ADCY3: variants seen among roughly 807,000 people sequenced by gnomAD.
ADCY3 encodes adenylate cyclase 3.
In ADCY3, 70 loss-of-function variants were observed where a neutral mutation model predicts 119.4. That is an observed-to-expected ratio of 0.59 (90% CI 0.48 to 0.72). The LOEUF (loss-of-function observed/expected upper bound fraction) is 0.72. Ranked by LOEUF, ADCY3 falls within the 30% of genes least tolerant of loss-of-function variation. The pLI, the probability that ADCY3 is intolerant of heterozygous loss-of-function variation, is 0.00. For synonymous variants in ADCY3, 672 were observed against 621.4 expected (o/e 1.08, Z -1.21); for missense variants, 1,238 against 1,541.6 (o/e 0.80, Z 3.30).
intron 3 of ADCY3, among the ~76,000 whole-genome samples, chr2:24,845,001 T>C (rs964014908): frequency 2.0e-5 from 3 of 152,202 alleles, no homozygotes; most frequent in Non-Finnish European, 4.4e-5. Flanking sequence ...GTTTCTGCTT[T>C]TGCTTTTTGC....
chr2:24,908,245 C>G lies in ADCY3; in HGVS notation c.675+10068G>C, dbSNP rs188639833. Among the ~76,000 whole-genome samples the G allele has an allele frequency of 2.1e-3, 313 of 152,204 alleles. 1 individual carries two copies. The highest frequency in any genetic ancestry group is 2.1e-3 in the Non-Finnish European group (141 of 68,014). The stretch of plus-strand genomic sequence containing the variant: ...GGCTGAGGCAGGAGAATCACTTGAA[C>G]CTGGAAGGCAGAGGTTGCAGTGAGC... On this transcript the variant is annotated intron_variant, in intron 2 of 21. Coordinates refer to ENST00000679454, the MANE Select transcript of ADCY3 (RefSeq NM_004036.5).
intron 8 of ADCY3, 51 bp from the exon 9 acceptor site, chr2:24,837,096 G>A (rs779991954): frequency 1.7e-5 from 27 of 1,599,900 alleles, no homozygotes; most frequent in Middle Eastern, 1.7e-4. Context: ...TGAGAGTGGC[G>A]TGGACAGGTC....
In ADCY3 at chr2:24,839,911, G is replaced by A. The variant is rs1350538930; in HGVS notation, c.1317C>T (p.Val439=). Reference sequence around the variant, plus strand: ...CGGCCTCCATCTTGTTGGCTACAGTGACATCAGTCGACCACACGTCGTACT... The same window carrying A: ...CGGCCTCCATCTTGTTGGCTACAGTAACATCAGTCGACCACACGTCGTACT... ...RWQYDVWSTD[V]TVANKMEAGG... Residue 439 remains valine, a synonymous_variant, in exon 7 of 22, where the codon GTC becomes GTT. Coordinates refer to ENST00000679454, the MANE Select transcript of ADCY3 (RefSeq NM_004036.5). 6.2e-7 allele frequency: 1 copy of A among 1,613,860 alleles called. No individual in the cohort carries two copies. The highest frequency in any genetic ancestry group is 1.1e-5 in the South Asian group (1 of 91,088).
chr2:24,827,334 T>TA (rs1428186682), intron 15 of ADCY3, among the ~76,000 whole-genome samples: 1 of 152,160 alleles, frequency 6.6e-6, no homozygotes, highest in Admixed American at 6.5e-5. Context: ...GCCAGCCAGT[T>TA]ACATGCAGCT....
intron 3 of ADCY3, among the ~76,000 whole-genome samples, chr2:24,845,097 A>G (rs1671514213): frequency 6.6e-6 from 1 of 152,236 alleles, no homozygotes; most frequent in East Asian, 1.9e-4. Flanking sequence ...TGGAACTCTA[A>G]GTCCAATTAA....
chr2:24,853,299 G>A (rs74410950), intron 3 of ADCY3, among the ~76,000 whole-genome samples: 1 of 152,122 alleles, frequency 6.6e-6, no homozygotes, highest in Non-Finnish European at 1.5e-5. Flanking sequence ...GATGGCACAG[G>A]ACCCCACTGT....
In ADCY3 at chr2:24,834,663, C is replaced by A; in HGVS notation, c.1806-17G>T. The A allele has an allele frequency of 6.2e-7, 1 of 1,609,950 alleles. No homozygotes were observed. Among genetic ancestry groups the A allele is most frequent in the Non-Finnish European group, 8.5e-7 (1 of 1,176,618 alleles). ...TTCTTTACTCTGCAGTGGGAACAAG[C>A]CCCATGAATCCCAAATGCCACATCT... is the stretch of plus-strand genomic sequence containing the variant. On this transcript the variant is annotated splice_polypyrimidine_tract_variant and intron_variant, in intron 10 of 21. Transcript: ENST00000679454. This position sits in a 1 kb window ranked among gnomAD's most constrained non-coding sequence, Gnocchi z 4.2.
chr2:24,832,099 G>A (rs866673128), intron 11 of ADCY3: 10 of 277,484 alleles, frequency 3.6e-5, no homozygotes, highest in African/African-American at 6.7e-5. Flanking sequence ...GGCAGGGGAC[G>A]GGGAGGCCTC....
intron 2 of ADCY3, among the ~76,000 whole-genome samples, chr2:24,884,590 C>T (rs1300304859): frequency 1.3e-5 from 2 of 149,990 alleles, no homozygotes; most frequent in African/African-American, 5.0e-5. Context: ...ATTCTTCTGC[C>T]TCAGCCTCCC....
At chr2:24,875,215 C>A (rs1275230267) in intron 2 of ADCY3, among the ~76,000 whole-genome samples, 1 of 152,192 alleles carries the variant, frequency 6.6e-6, no homozygotes, top group Non-Finnish European at 1.5e-5. Context: ...CCTAAAGCAC[C>A]CCCAATTCTC....
chr2:24,827,497 A>G, intron 15 of ADCY3, 49 bp downstream of exon 15: 6 of 1,548,430 alleles, frequency 3.9e-6, no homozygotes, highest in African/African-American at 1.4e-5. Context: ...TCCTGTCTCT[A>G]GAAGAAGGGC....
intron 2 of ADCY3, among the ~76,000 whole-genome samples, chr2:24,873,877 A>G (rs1050145992): frequency 1.3e-5 from 2 of 152,198 alleles, no homozygotes; most frequent in African/African-American, 4.8e-5. Flanking sequence ...TTTGGAGTTG[A>G]GAAATGAGAT....
At chr2:24,902,237 C>T (rs556690394) in intron 2 of ADCY3, among the ~76,000 whole-genome samples, 283 of 151,682 alleles carry the variant, frequency 1.9e-3, no homozygotes, top group African/African-American at 6.4e-3. Context: ...TGTGCCACCA[C>T]GCCTGGCTAA....
rs1668877585 is a variant in ADCY3 at position 24,828,083 on chromosome 2, G to T, written c.2251C>A (p.Pro751Thr). 8.1e-6 allele frequency: 13 copies of T among 1,614,088 alleles called. No individual in the cohort carries two copies. Among genetic ancestry groups the T allele is most frequent in the Non-Finnish European group, 1.1e-5 (13 of 1,180,052 alleles). ...METEGSCLEN[P>T]KYYNYVAVLS... Reference sequence around the variant, plus strand: ...ACGGCCACATAGTTGTAATACTTGGGGTTCTCCAGGCAGCTGCCCTCCGTT... The same window carrying T: ...ACGGCCACATAGTTGTAATACTTGGTGTTCTCCAGGCAGCTGCCCTCCGTT... Residue 751 changes from proline (P) to threonine (T), a missense_variant, in exon 14 of 22, where the codon CCC becomes ACC. Transcript: ENST00000679454.
Position 24,845,073 on chromosome 2 carries a change from C to G in ADCY3, c.826-2689G>C, listed in dbSNP as rs563320050. ...TTCACCTCCCGCCATGATTCTGAGG[C>G]CTCCTCAGCCATGTGGAACTCTAAG... is the stretch of plus-strand genomic sequence containing the variant. On this transcript the variant is annotated intron_variant, in intron 3 of 21. Coordinates refer to ENST00000679454, the MANE Select transcript of ADCY3 (RefSeq NM_004036.5). Among the ~76,000 whole-genome samples the G allele has an allele frequency of 2.6e-5, 4 of 152,364 alleles. No individual in the cohort carries two copies. The East Asian group carries it at 7.7e-4, about 29-fold the overall frequency.
chr2:24,844,601 TC>T lies in ADCY3; in HGVS notation c.826-2218del, dbSNP rs142290027. 3.3e-3 allele frequency among the ~76,000 whole-genome samples: 503 copies of T among 152,140 alleles called. 6 individuals are homozygous for T. The highest frequency in any genetic ancestry group is 0.011 in the African/African-American group (471 of 41,508). ...TCCTCTGGGTGGAGCTGCCAAGAGG[TC>T]CCCAGAGTCTGCTGTTGTACTTGGG... On this transcript the variant is annotated intron_variant, in intron 3 of 21. Transcript: ENST00000679454.
At chr2:24,896,759 G>T (rs915457347) in intron 2 of ADCY3, among the ~76,000 whole-genome samples, 1 of 151,786 alleles carries the variant, frequency 6.6e-6, no homozygotes, top group Non-Finnish European at 1.5e-5. Context: ...TCTCTTTCCA[G>T]CTTCTTCCTT....
chr2:24,841,157 C>G lies in ADCY3; in HGVS notation c.1196+102G>C. On this transcript the variant is annotated intron_variant, in intron 6 of 21. Transcript: ENST00000679454. The surrounding 1 kb of genome is among the most constrained non-coding windows in gnomAD (Gnocchi z 5.8). ...CCCAGTCTCTGCTTCCAGCAGATCCCCCACCCAGGGGCCATGGCCAGCGCG... is the reference window on the plus strand; with the variant it reads ...CCCAGTCTCTGCTTCCAGCAGATCCGCCACCCAGGGGCCATGGCCAGCGCG... The G allele has an allele frequency of 7.5e-7, 1 of 1,328,002 alleles. No individual in the cohort carries two copies. The allele number at this position is 1,328,002 out of a possible 1,614,324, so 82.3% of individuals were successfully genotyped here.
chr2:24,825,981 G>T, intron 16 of ADCY3, 64 bp downstream of exon 16: 1 of 1,519,934 alleles, frequency 6.6e-7, no homozygotes, highest in Admixed American at 1.7e-5. Context: ...AGGTCCCAGG[G>T]CTGCTTCTCA....
Sources: allele counts gnomAD v4.1 joint callset (sites outside exome capture counted in the v4.1 genomes callset), GRCh38; gene constraint gnomAD v4.1.1; non-coding constraint Gnocchi (gnomAD v3.1); transcripts MANE v1.5; gene names NCBI Gene and HGNC (gene_info 2026-07-23, HGNC 2026-07-21).